Variants in CHD7 observed in about 807,000 individuals in gnomAD.
CHD7 encodes the protein chromodomain helicase DNA binding protein 7.
Under a neutral mutation model 307.3 loss-of-function variants are expected in CHD7, and 24 were observed. The ratio of observed to expected loss-of-function variants is 0.08; its 90% CI spans 0.06 to 0.11. The LOEUF (loss-of-function observed/expected upper bound fraction) is 0.11, where lower values mean the gene tolerates loss of function less well. CHD7 is among the 10% of genes least tolerant of loss of function. CHD7 has a pLI of 1.00. For synonymous variants in CHD7, 1,363 were observed against 1,349.9 expected, an observed-to-expected ratio of 1.01 and a Z score of -0.21; for missense variants, 3,106 against 3,727.1, an observed-to-expected ratio of 0.83 and a Z score of 4.34.
At position 60,856,065 on chromosome 8, in the gene CHD7, C is replaced by G; in HGVS notation, c.7027C>G (p.Gln2343Glu). ...AAATAGGCGCCAGATGTTTGATTTC[C>G]AAGGCCTCATCCCAGGTTACACACC... ...PVNRRQMFDF[Q>E]GLIPGYTPTT... The change falls in exon 33 of 38, where the codon CAA (glutamine) becomes GAA (glutamate). Residue 2343 changes from glutamine to glutamate, a missense_variant. Physicochemically the swap from Gln to Glu is conservative, Grantham distance 29. Around this residue, in one of 10 missense-constraint regions of CHD7, gnomAD observed 1,030 missense variants for 1,165.4 expected, o/e 0.88. Transcript: ENST00000423902. The G allele has an allele frequency of 6.2e-7, 1 of 1,611,492 alleles. No individual in the cohort carries two copies. Among genetic ancestry groups the G allele is most frequent in the Non-Finnish European group, 8.5e-7 (1 of 1,178,726 alleles).
At position 60,681,834 on chromosome 8, in the gene CHD7, A is replaced by G. The variant is rs552657141; in HGVS notation, c.-175+2752A>G. Among the ~76,000 whole-genome samples, 10 of 152,270 alleles carry G rather than the reference A, an allele frequency of 6.6e-5. No individual in the cohort carries two copies. The East Asian group carries it at 1.7e-3, about 26-fold the overall frequency. ...GTTCGAGTCACTAAATTGAACCATG[A>G]TGAATTGTATCCTGGGTCTATGCTT... On this transcript the variant is annotated intron_variant, in intron 1 of 37. Coordinates refer to ENST00000423902, the MANE Select transcript of CHD7 (RefSeq NM_017780.4).
At position 60,745,636 on chromosome 8, in the gene CHD7, T is replaced by C. The variant is rs572859337; in HGVS notation, c.1665+2539T>C. On this transcript the variant is annotated intron_variant, in intron 2 of 37. Coordinates refer to ENST00000423902, the MANE Select transcript of CHD7 (RefSeq NM_017780.4). Reference sequence around the variant, plus strand: ...TCCATTTTGCTCATTGATTATTTGCTTTCTTATTTCTGCTTAACTTTGCAT... The same window carrying C: ...TCCATTTTGCTCATTGATTATTTGCCTTCTTATTTCTGCTTAACTTTGCAT... Among the ~76,000 whole-genome samples, 589 of 152,342 alleles carry C rather than the reference T, an allele frequency of 3.9e-3. 1 individual carries two copies. Among genetic ancestry groups the C allele is most frequent in the African/African-American group, 0.013 (553 of 41,570 alleles).
intron 24 of CHD7, 22 bp from the exon 25 acceptor site, chr8:60,849,029 T>C: frequency 3.8e-6 from 6 of 1,570,336 alleles, no homozygotes; most frequent in Non-Finnish European, 4.4e-6. Flanking sequence ...TACTAATATT[T>C]CTTATAAATG....
rs1258548996 is a variant in CHD7 at position 60,838,102 on chromosome 8, A to T, written c.4380A>T (p.Ile1460=). The T allele has an allele frequency of 6.6e-7, 1 of 1,524,138 alleles. No individual in the cohort carries two copies. Among genetic ancestry groups the T allele is most frequent in the Non-Finnish European group, 8.8e-7 (1 of 1,136,116 alleles). 94.4% of individuals were successfully genotyped at this position (1,524,138 alleles called of 1,614,324 possible). Residue 1460 remains isoleucine (I), a synonymous_variant, in exon 19 of 38, where the codon ATA becomes ATT. Transcript: ENST00000423902. ...NGVQQLSKKE[I]EDLLRKGAYG... ...TACAACAGCTTTCCAAGAAAGAAATAGAGGATCTTCTACGAAAAGGGGCCT... is the reference window on the plus strand; with the variant it reads ...TACAACAGCTTTCCAAGAAAGAAATTGAGGATCTTCTACGAAAAGGGGCCT...
chr8:60,820,193 G>T, intron 9 of CHD7, 103 bp downstream of exon 9: 1 of 583,436 alleles, frequency 1.7e-6, no homozygotes, highest in Non-Finnish European at 3.0e-6. Flanking sequence ...TCAGAGCCTT[G>T]GACTGTGACA....
At chr8:60,681,396 G>A (rs1042734764) in intron 1 of CHD7, among the ~76,000 whole-genome samples, 3 of 152,182 alleles carry the variant, frequency 2.0e-5, no homozygotes, top group Non-Finnish European at 4.4e-5. Context: ...TCATTTGACT[G>A]AGGCCCATTC....
At chr8:60,856,303 T>A in intron 33 of CHD7, 101 bp downstream of exon 33, 1 of 1,236,020 alleles carries the variant, frequency 8.1e-7, no homozygotes, top group Non-Finnish European at 1.1e-6. Context: ...AGAAATAAGA[T>A]AGCTGCTGTT....
rs587783435 is a variant in CHD7, at chr8:60,821,922, C to T, written c.2830C>T (p.Arg944Cys). Reference sequence around the variant, plus strand: ...AATGTCCAGGGAGCCGGAAACAGAGCGTGTGGTAAGAATTGGCTGATGGTA... The same window carrying T: ...AATGTCCAGGGAGCCGGAAACAGAGTGTGTGGTAAGAATTGGCTGATGGTA... Reference protein sequence around the residue: ...KLMSREPETERVERPPADDWK... With the variant: ...KLMSREPETECVERPPADDWK... The change falls in exon 10 of 38, where the codon CGT becomes TGT. Residue 944 changes from arginine to cysteine, a missense_variant. Transcript: ENST00000423902. 71 of 1,612,818 alleles carry T rather than the reference C, an allele frequency of 4.4e-5. No homozygotes were observed. Among genetic ancestry groups the T allele is most frequent in the Middle Eastern group, 1.6e-4 (1 of 6,082 alleles).
intron 1 of CHD7, among the ~76,000 whole-genome samples, chr8:60,681,937 A>G (rs1563511130): frequency 6.6e-6 from 1 of 152,212 alleles, no homozygotes; most frequent in Non-Finnish European, 1.5e-5. Flanking sequence ...AAATTATTAT[A>G]TTCATTTAAT....
At chr8:60,746,268 T>C (rs561102576) in intron 2 of CHD7, among the ~76,000 whole-genome samples, 1 of 152,358 alleles carries the variant, frequency 6.6e-6, no homozygotes, top group South Asian at 2.1e-4. Flanking sequence ...AGGTTAAATA[T>C]TATGTAATAC....
intron 14 of CHD7, among the ~76,000 whole-genome samples, chr8:60,829,133 A>G (rs1196503462): frequency 1.3e-5 from 2 of 152,190 alleles, no homozygotes; most frequent in South Asian, 2.1e-4. Flanking sequence ...GTCAGACGCC[A>G]CTGACGTTGG....
At chr8:60,721,726 A>G (rs1395088975) in intron 1 of CHD7, among the ~76,000 whole-genome samples, 3 of 152,206 alleles carry the variant, frequency 2.0e-5, no homozygotes, top group African/African-American at 7.2e-5. Context: ...ATGCTGGTCC[A>G]TGTTCGGAGA....
intron 2 of CHD7, among the ~76,000 whole-genome samples, chr8:60,770,599 C>T (rs767654750): frequency 6.4e-4 from 98 of 152,180 alleles, no homozygotes; most frequent in Non-Finnish European, 1.0e-3. Flanking sequence ...GTATCAGGAA[C>T]CTTTAATATT....
intron 2 of CHD7, among the ~76,000 whole-genome samples, chr8:60,754,787 C>T (rs996565724): frequency 5.3e-5 from 8 of 152,170 alleles, no homozygotes; most frequent in Non-Finnish European, 1.0e-4. Flanking sequence ...GTTAAGTTGA[C>T]GTCCTGTTTC....
At chr8:60,732,615 C>G (rs1808510265) in intron 1 of CHD7, among the ~76,000 whole-genome samples, 1 of 152,136 alleles carries the variant, frequency 6.6e-6, no homozygotes, top group African/African-American at 2.4e-5. Flanking sequence ...AAAATCTTTC[C>G]TAATGGTGAT....
rs1306794432 is a variant in CHD7 at position 60,781,278 on chromosome 8, G to A, written c.1944G>A (p.Lys648=). 1 of 1,563,094 alleles carries A rather than the reference G, an allele frequency of 6.4e-7. No individual in the cohort carries two copies. The highest frequency in any genetic ancestry group is 1.4e-5 in the African/African-American group (1 of 73,230). The change falls in exon 3 of 38, where the codon AAG becomes AAA. Residue 648 remains lysine (K), a synonymous_variant. Transcript: ENST00000423902. ...AAAAAAAGAAAAAGAAAAGGTCAAA[G>A]GCAAAAAAAGACCCGAAGGAACCGA... ...QEEKKKKKRS[K]AKKDPKEPKE...
intron 1 of CHD7, among the ~76,000 whole-genome samples, chr8:60,679,959 G>C (rs909552072): frequency 6.6e-5 from 10 of 151,946 alleles, no homozygotes; most frequent in Non-Finnish European, 1.3e-4. Flanking sequence ...AAGTGCGCTA[G>C]GAGGAGAAGA....
At chr8:60,769,473 G>A (rs1440303645) in intron 2 of CHD7, among the ~76,000 whole-genome samples, 2 of 152,128 alleles carry the variant, frequency 1.3e-5, no homozygotes, top group Non-Finnish European at 2.9e-5. Context: ...AGATACGTGT[G>A]TACCTCTGCC....
intron 1 of CHD7, among the ~76,000 whole-genome samples, chr8:60,721,676 C>T (rs564702649): frequency 6.6e-6 from 1 of 152,284 alleles, no homozygotes; most frequent in African/African-American, 2.4e-5. Flanking sequence ...TAACCAGTTC[C>T]CCAGCGGTGC....
Sources: gnomAD v4.1 joint callset for allele counts (sites outside exome capture counted in the v4.1 genomes callset) on GRCh38, gnomAD v4.1.1 for gene constraint, gnomAD v4.1.1 regional missense constraint, MANE v1.5 for transcripts, NCBI Gene and HGNC (gene_info 2026-07-23, HGNC 2026-07-21) for gene names.